The following IFT25 variants were observed in gnomAD, a reference collection of about 807,000 sequenced individuals.
IFT25 encodes the protein intraflagellar transport protein 25 homolog.
At chr1:53,927,150 T>C in the IFT25 span, among the ~76,000 whole-genome samples, 1 of 152,260 alleles carries the variant, frequency 6.6e-6, no homozygotes, top group African/African-American at 2.4e-5. Flanking sequence ...GTTTGAGGTC[T>C]TCATTAATGT....
At chr1:53,917,155 A>T in the IFT25 span, 2 of 156,888 alleles carry the variant, frequency 1.3e-5, no homozygotes, top group African/African-American at 2.5e-5. Context: ...AAAAAAAAAG[A>T]AAAACTTGGC....
the IFT25 span, among the ~76,000 whole-genome samples, chr1:53,912,295 AC>A: frequency 2.6e-5 from 4 of 152,074 alleles, no homozygotes; most frequent in African/African-American, 9.7e-5. Flanking sequence ...ACAAAAATAG[AC>A]CCCCGGCTTT....
the IFT25 span, among the ~76,000 whole-genome samples, chr1:53,938,848 G>A: frequency 1.3e-5 from 2 of 152,052 alleles, no homozygotes; most frequent in African/African-American, 4.8e-5. Context: ...GCCAAGGCGG[G>A]CGAATCACCT....
the IFT25 span, chr1:53,945,879 T>G: frequency 1.8e-5 from 1 of 54,348 alleles, no homozygotes; most frequent in Non-Finnish European, 2.8e-5. Flanking sequence ...CTCCACCGAG[T>G]TCCCGGGCGC....
chr1:53,934,626 T>C, the IFT25 span, among the ~76,000 whole-genome samples: 377 of 152,312 alleles, frequency 2.5e-3, 3 homozygotes, highest in Middle Eastern at 0.027. Flanking sequence ...GCTATATCCA[T>C]ACAATGAAAT....
chr1:53,921,713 G>T, the IFT25 span: 1 of 1,613,934 alleles, frequency 6.2e-7, no homozygotes, highest in South Asian at 1.1e-5. Context: ...GATGCAAAAT[G>T]ATCAAAGGCT....
At chr1:53,937,388 G>A in the IFT25 span, among the ~76,000 whole-genome samples, 2 of 152,052 alleles carry the variant, frequency 1.3e-5, no homozygotes, top group Non-Finnish European at 2.9e-5. Context: ...CGAAATGCTG[G>A]GATTAAGACA....
chr1:53,918,730 A>C, the IFT25 span, among the ~76,000 whole-genome samples: 2 of 152,210 alleles, frequency 1.3e-5, no homozygotes, highest in East Asian at 3.8e-4. Context: ...AATTTTGGCA[A>C]GAGTACTTCA....
At chr1:53,932,805 A>G in the IFT25 span, among the ~76,000 whole-genome samples, 1 of 152,162 alleles carries the variant, frequency 6.6e-6, no homozygotes, top group Non-Finnish European at 1.5e-5. Flanking sequence ...AGCTCGGGCA[A>G]TCCGCCTGCC....
chr1:53,932,374 T>C, the IFT25 span, among the ~76,000 whole-genome samples: 14 of 152,126 alleles, frequency 9.2e-5, no homozygotes, highest in African/African-American at 3.4e-4. Context: ...TCCCTTCTGA[T>C]TTCTTTTTTG....
chr1:53,941,065 G>C, the IFT25 span, among the ~76,000 whole-genome samples: 1 of 152,044 alleles, frequency 6.6e-6, no homozygotes, highest in Non-Finnish European at 1.5e-5. Context: ...GGCGATCTTG[G>C]CTCACTGCAA....
the IFT25 span, chr1:53,923,705 C>G: frequency 6.4e-6 from 3 of 468,858 alleles, no homozygotes; most frequent in East Asian, 1.0e-4. Flanking sequence ...TGCCGTCACT[C>G]TCTATGAAAG....
the IFT25 span, among the ~76,000 whole-genome samples, chr1:53,942,817 C>A: frequency 6.6e-6 from 1 of 152,170 alleles, no homozygotes; most frequent in African/African-American, 2.4e-5. Flanking sequence ...AGCTCAGAGT[C>A]AAGGAAGATG....
At chr1:53,924,575 G>A in the IFT25 span, among the ~76,000 whole-genome samples, 3 of 152,110 alleles carry the variant, frequency 2.0e-5, no homozygotes, top group East Asian at 1.9e-4. Flanking sequence ...AGTGGCTCAC[G>A]CCTGTAATCC....
chr1:53,916,877 C>T, the IFT25 span: 2 of 393,356 alleles, frequency 5.1e-6, no homozygotes, highest in African/African-American at 2.1e-5. Context: ...CGCAGTGGCT[C>T]ACACCTGTAA....
the IFT25 span, among the ~76,000 whole-genome samples, chr1:53,917,372 G>A: frequency 6.6e-6 from 1 of 152,136 alleles, no homozygotes; most frequent in African/African-American, 2.4e-5. Flanking sequence ...GTCATCCATA[G>A]TTCTATATGC....
At chr1:53,912,200 C>T in the IFT25 span, among the ~76,000 whole-genome samples, 2 of 152,176 alleles carry the variant, frequency 1.3e-5, no homozygotes, top group African/African-American at 4.8e-5. Context: ...CTCTGATGGT[C>T]TTCCAATTCG....
the IFT25 span, chr1:53,939,969 G>C: frequency 1.4e-6 from 2 of 1,434,144 alleles, no homozygotes; most frequent in South Asian, 1.1e-5. Context: ...AAACAACAAA[G>C]TATAGTAACT....
At chr1:53,921,170 C>CA in the IFT25 span, among the ~76,000 whole-genome samples, 4 of 152,140 alleles carry the variant, frequency 2.6e-5, no homozygotes, top group Non-Finnish European at 2.9e-5. Context: ...GACCCTACTG[C>CA]AAAAAAATAT....
Sources: gnomAD v4.1 joint callset for allele counts (sites outside exome capture counted in the v4.1 genomes callset) on GRCh38, gnomAD v4.1.1 for gene constraint, MANE v1.5 for transcripts, NCBI Gene and HGNC (gene_info 2026-07-23, HGNC 2026-07-21) for gene names.